LUZP2: variants seen among roughly 807,000 people sequenced by gnomAD.
The protein encoded by LUZP2 is leucine zipper protein 2.
In LUZP2, 52 loss-of-function variants were observed where a neutral mutation model predicts 51.6. The ratio of observed to expected loss-of-function variants is 1.01; its 90% confidence interval spans 0.81 to 1.27. LUZP2 has a LOEUF of 1.27. Among genes scored for constraint, LUZP2 ranks in the 50% most tolerant of loss-of-function variants. The probability of loss-of-function intolerance (pLI) is 0.00; values close to 1 mark genes in which losing one functional copy is unlikely to be tolerated. For missense variants in LUZP2, 436 were observed against 395.4 expected (o/e 1.10, Z -0.87); for synonymous variants, 154 against 137.3 (o/e 1.12, Z -0.85).
chr11:24,552,828 T>A (rs72874853), intron 1 of LUZP2, among the ~76,000 whole-genome samples: 23,691 of 151,546 alleles, frequency 0.16, 2,030 homozygotes, highest in African/African-American at 0.21. Flanking sequence ...ATATGACAGA[T>A]TAAAAAAGTC....
At chr11:25,078,381 T>C (rs931119136) in intron 11 of LUZP2, among the ~76,000 whole-genome samples, 173 bp from the exon 12 acceptor site, 8 of 152,382 alleles carry the variant, frequency 5.2e-5, no homozygotes, top group Middle Eastern at 3.4e-3. Context: ...TGTACTTTTA[T>C]GAAATATAAT....
chr11:24,836,030 T>C (rs2134189606), intron 5 of LUZP2, among the ~76,000 whole-genome samples: 1 of 152,096 alleles, frequency 6.6e-6, no homozygotes, highest in Non-Finnish European at 1.5e-5. Context: ...GTACCCAGTA[T>C]TTCAGTGGTT....
intron 7 of LUZP2, among the ~76,000 whole-genome samples, chr11:24,939,735 T>C (rs912743251): frequency 6.6e-6 from 1 of 152,146 alleles, no homozygotes; most frequent in African/African-American, 2.4e-5. Context: ...ATTGGGGAGA[T>C]AGGCTGATGT....
At chr11:24,848,141 T>A (rs1339511401) in intron 5 of LUZP2, among the ~76,000 whole-genome samples, 1 of 109,648 alleles carries the variant, frequency 9.1e-6, no homozygotes, top group Admixed American at 9.1e-5. Flanking sequence ...AATATATGAT[T>A]GATATGATAT....
At chr11:24,765,648 G>C (rs138312091) in intron 5 of LUZP2, among the ~76,000 whole-genome samples, 1,664 of 132,358 alleles carry the variant, frequency 0.013, 23 homozygotes, top group African/African-American at 0.043. Flanking sequence ...TTTTTTTTGA[G>C]ACGGAGTCTC....
chr11:25,011,748 A>G (rs1340774612), intron 9 of LUZP2, among the ~76,000 whole-genome samples: 1 of 152,072 alleles, frequency 6.6e-6, no homozygotes, highest in African/African-American at 2.4e-5. Flanking sequence ...CACATGTGAT[A>G]TTTTGTTGCA....
intron 1 of LUZP2, among the ~76,000 whole-genome samples, chr11:24,602,325 CACAT>C (rs1315912918): frequency 2.9e-5 from 4 of 135,720 alleles, no homozygotes; most frequent in Non-Finnish European, 6.4e-5. Context: ...TATATACACA[CACAT>C]ATATATACAT....
chr11:25,056,999 C>T (rs1027471655), intron 10 of LUZP2, among the ~76,000 whole-genome samples: 45 of 152,202 alleles, frequency 3.0e-4, no homozygotes, highest in African/African-American at 1.1e-3. Flanking sequence ...ACTGGAGAGG[C>T]TGAGGCAGGA....
At chr11:25,035,437 A>C (rs1406014074) in intron 9 of LUZP2, among the ~76,000 whole-genome samples, 2 of 152,100 alleles carry the variant, frequency 1.3e-5, no homozygotes, top group Non-Finnish European at 2.9e-5. Context: ...TACTTACAAA[A>C]GCCAGAAAGA....
Position 24,497,339 on chromosome 11 carries a change from G to A in LUZP2, c.62+34G>A, listed in dbSNP as rs1234987590. 2.1e-6 allele frequency: 3 copies of A among 1,457,410 alleles called. No individual in the cohort carries two copies. The African/African-American group carries it at 4.4e-5, about 21-fold the overall frequency. The allele number at this position is 1,457,410 out of a possible 1,614,324, so 90.3% of individuals were successfully genotyped here. On this transcript the variant is annotated intron_variant, in intron 1 of 11. Transcript: ENST00000336930. ...AGGAGCGTGAGTGACCTGAGGCCAG[G>A]GGCGCTGCCGGGGCGAGGTTGGTCC...
chr11:24,750,708 C>T (rs941498760), intron 4 of LUZP2, among the ~76,000 whole-genome samples: 4 of 152,124 alleles, frequency 2.6e-5, no homozygotes, highest in Non-Finnish European at 5.9e-5. Context: ...TCAACTTTCT[C>T]TTCTCTCTAC....
At chr11:24,653,754 A>G (rs1299869077) in intron 1 of LUZP2, among the ~76,000 whole-genome samples, 2 of 152,218 alleles carry the variant, frequency 1.3e-5, no homozygotes, top group Admixed American at 1.3e-4. Context: ...AAAGAGGCAC[A>G]AAAGTGATCC....
At chr11:24,835,631 G>A (rs1332641464) in intron 5 of LUZP2, among the ~76,000 whole-genome samples, 1 of 152,034 alleles carries the variant, frequency 6.6e-6, no homozygotes, top group Non-Finnish European at 1.5e-5. Context: ...AAAATGGCTT[G>A]TATAATGTAA....
chr11:24,816,874 CT>C (rs1258335490), intron 5 of LUZP2, among the ~76,000 whole-genome samples: 4 of 151,864 alleles, frequency 2.6e-5, no homozygotes, highest in Non-Finnish European at 5.9e-5. Context: ...ATATTTGAGA[CT>C]TTTTTTAGTA....
chr11:24,554,630 A>G (rs982598446), intron 1 of LUZP2, among the ~76,000 whole-genome samples: 2 of 151,762 alleles, frequency 1.3e-5, no homozygotes, highest in Non-Finnish European at 1.5e-5. Flanking sequence ...TTATTGATTA[A>G]TTATATGAAA....
intron 1 of LUZP2, among the ~76,000 whole-genome samples, chr11:24,673,886 A>G (rs190387705): frequency 5.4e-4 from 82 of 152,274 alleles, no homozygotes; most frequent in African/African-American, 1.9e-3. Context: ...TAAACCATCT[A>G]AATTTGTTTT....
chr11:24,816,121 T>C (rs10834488), intron 5 of LUZP2, among the ~76,000 whole-genome samples: 2 of 151,948 alleles, frequency 1.3e-5, no homozygotes, highest in Non-Finnish European at 2.9e-5. Flanking sequence ...ATTTAGCTTT[T>C]ATAATGATAA....
chr11:25,067,806 G>A (rs2197544), intron 10 of LUZP2, among the ~76,000 whole-genome samples: 136,670 of 151,998 alleles, frequency 0.9, 62,433 homozygotes, highest in Non-Finnish European at 0.98. Context: ...TGACCCAGCA[G>A]TCCCATTACT....
At chr11:24,824,290 C>T (rs1464171100) in intron 5 of LUZP2, among the ~76,000 whole-genome samples, 22 of 139,426 alleles carry the variant, frequency 1.6e-4, no homozygotes, top group African/African-American at 5.6e-4. Flanking sequence ...AGCTTGAACC[C>T]GGGAAGTGGA....
Sources: gnomAD v4.1 joint callset for allele counts (sites outside exome capture counted in the v4.1 genomes callset) on GRCh38, gnomAD v4.1.1 for gene constraint, MANE v1.5 for transcripts, NCBI Gene and HGNC (gene_info 2026-07-23, HGNC 2026-07-21) for gene names.